Variants in TIAM1 observed in about 807,000 individuals in gnomAD.
TIAM1 encodes TIAM Rac1 associated GEF 1, also known as rho guanine nucleotide exchange factor TIAM1.
In TIAM1, 65 loss-of-function variants were observed where a neutral mutation model predicts 163.5. The observed-to-expected ratio is 0.40, with a 90% CI of 0.33 to 0.49. The LOEUF is 0.49. Ranked by LOEUF, TIAM1 falls within the 20% of genes least tolerant of loss-of-function variation. The pLI, the probability that TIAM1 is intolerant of heterozygous loss-of-function variation, is 0.77. For synonymous variants in TIAM1, 833 were observed against 810.1 expected (o/e 1.03, Z -0.48); for missense variants, 1,789 against 2,044.7 (o/e 0.87, Z 2.41).
At chr21:31,265,343 A>G (rs930266497) in intron 4 of TIAM1, among the ~76,000 whole-genome samples, 3 of 151,586 alleles carry the variant, frequency 2.0e-5, no homozygotes, top group African/African-American at 7.3e-5. Flanking sequence ...CATTTTTCAG[A>G]GGAATGACTA....
chr21:31,529,262 G>A (rs1164456450), intron 1 of TIAM1, among the ~76,000 whole-genome samples: 1 of 151,898 alleles, frequency 6.6e-6, no homozygotes, highest in Non-Finnish European at 1.5e-5. Context: ...GAGTCCAATG[G>A]GGAAAGGTGG....
chr21:31,194,186 C>T (rs1445796128), intron 13 of TIAM1, among the ~76,000 whole-genome samples: 1 of 152,070 alleles, frequency 6.6e-6, no homozygotes, highest in East Asian at 1.9e-4. Flanking sequence ...TGTGTGTCCG[C>T]ATCCTCGATT....
At chr21:31,438,075 A>T (rs1374739548) in intron 2 of TIAM1, among the ~76,000 whole-genome samples, 6 of 151,846 alleles carry the variant, frequency 4.0e-5, no homozygotes, top group Non-Finnish European at 1.5e-5. Context: ...AGCTACCCTC[A>T]TCAACTACTT....
At chr21:31,305,021 C>T (rs993162609) in intron 2 of TIAM1, among the ~76,000 whole-genome samples, 1 of 152,170 alleles carries the variant, frequency 6.6e-6, no homozygotes, top group Non-Finnish European at 1.5e-5. Flanking sequence ...CACGGAACTC[C>T]TGTCTCCAAT....
At chr21:31,307,490 G>A (rs2074759404) in intron 2 of TIAM1, among the ~76,000 whole-genome samples, 1 of 152,154 alleles carries the variant, frequency 6.6e-6, no homozygotes, top group South Asian at 2.1e-4. Context: ...GCTTTCAAAG[G>A]CCATGCTGTC....
At chr21:31,497,399 G>T (rs544063301) in intron 1 of TIAM1, among the ~76,000 whole-genome samples, 1 of 152,208 alleles carries the variant, frequency 6.6e-6, no homozygotes, top group East Asian at 1.9e-4. Context: ...TTAAAAATAT[G>T]CAAAATAAAA....
rs1423236953 is a variant in TIAM1, at chr21:31,187,019, C to T, written c.2644G>A (p.Gly882Ser). The T allele has an allele frequency of 6.2e-6, 10 of 1,613,930 alleles. No individual in the cohort carries two copies. The highest frequency in any genetic ancestry group is 1.6e-4 in the Middle Eastern group (1 of 6,084). ...RLYVNSVKET[G>S]LASKKGLKAG... ...GACTTACCTTTCTTGGAAGCTAAAC[C>T]GGTTTCCTTCACACTATTCACGTAC... is the stretch of plus-strand genomic sequence containing the variant. Residue 882 changes from glycine to serine, a missense_variant, in exon 14 of 28, where the codon GGT (glycine) becomes AGT (serine). By Grantham distance (56) the Gly-to-Ser change is moderately conservative (BLOSUM62 0). Around this residue, in one of 5 missense-constraint regions of TIAM1, gnomAD observed 456 missense variants for 586.6 expected, o/e 0.78. Coordinates refer to ENST00000541036, the MANE Select transcript of TIAM1 (RefSeq NM_001353694.2).
intron 4 of TIAM1, among the ~76,000 whole-genome samples, chr21:31,252,540 C>A (rs1295503245): frequency 2.0e-5 from 3 of 152,234 alleles, no homozygotes; most frequent in Non-Finnish European, 1.5e-5. Flanking sequence ...ATGCTGAGAA[C>A]CCAGCATCCT....
rs530986143 is a variant in TIAM1 at position 31,393,831 on chromosome 21, T to C, written c.-368-54409A>G. Among the ~76,000 whole-genome samples, 6 of 152,320 alleles carry C rather than the reference T, an allele frequency of 3.9e-5. No individual in the cohort carries two copies. In the South Asian group the frequency reaches 6.2e-4, roughly 16 times the overall value. On this transcript the variant is annotated intron_variant, in intron 2 of 28. Coordinates refer to the TIAM1 transcript ENST00000286827. ...TGACTGTTATACTATATAATAACCA[T>C]ATGGCCTGCATTTCCAGGAGAGTTC...
intron 1 of TIAM1, among the ~76,000 whole-genome samples, chr21:31,549,337 T>C (rs1256523203): frequency 3.3e-5 from 5 of 152,188 alleles, no homozygotes; most frequent in Non-Finnish European, 5.9e-5. Context: ...ACTTTCAGCT[T>C]TTAAAAATAA....
chr21:31,411,050 C>G (rs1478484299), intron 2 of TIAM1, among the ~76,000 whole-genome samples: 1 of 152,026 alleles, frequency 6.6e-6, no homozygotes, highest in East Asian at 1.9e-4. Context: ...GACTGTCCTG[C>G]CCACTGGGGA....
At chr21:31,368,941 G>T (rs938946139) in intron 2 of TIAM1, among the ~76,000 whole-genome samples, 4 of 152,170 alleles carry the variant, frequency 2.6e-5, no homozygotes, top group African/African-American at 9.7e-5. Flanking sequence ...GAAAAGAGAA[G>T]AAAGAAAGGG....
At chr21:31,346,565 G>A (rs80267784), upstream of TIAM1, among the ~76,000 whole-genome samples, 723 of 152,296 alleles carry the variant, frequency 4.7e-3, 7 homozygotes, top group African/African-American at 0.016. Flanking sequence ...CAGAGATCGC[G>A]TACTTCGGGG....
In TIAM1 at chr21:31,120,294, C is replaced by T; in HGVS notation, c.*74G>A. 5 of 1,431,738 alleles carry T rather than the reference C, an allele frequency of 3.5e-6. No homozygotes were observed. Among genetic ancestry groups the T allele is most frequent in the South Asian group, 1.4e-5 (1 of 70,474 alleles). 88.7% of individuals were successfully genotyped at this position (1,431,738 alleles called of 1,614,324 possible). A position where few individuals can be genotyped will look rare whatever the true frequency, so the allele number is the denominator to read the frequency against. On this transcript the variant is annotated 3_prime_UTR_variant, in exon 28 of 28. Coordinates refer to ENST00000541036, the MANE Select transcript of TIAM1 (RefSeq NM_001353694.2). This position sits in a 1 kb window ranked among gnomAD's most constrained non-coding sequence, Gnocchi z 4.2. ...GCGCGACCTAAGGGGACATTCTTGT[C>T]GACGGTACAGGAGGGTGGGCAGAGT...
intron 2 of TIAM1, among the ~76,000 whole-genome samples, chr21:31,310,855 T>A (rs2074898164): frequency 6.6e-6 from 1 of 152,096 alleles, no homozygotes; most frequent in Non-Finnish European, 1.5e-5. Flanking sequence ...TTGAGGAAAA[T>A]CATGTAAGGC....
intron 4 of TIAM1, among the ~76,000 whole-genome samples, chr21:31,258,693 T>C (rs2072265344): frequency 6.6e-6 from 1 of 151,962 alleles, no homozygotes; most frequent in East Asian, 1.9e-4. Context: ...AATGCACCTG[T>C]AGTCCCAGCT....
chr21:31,368,302 A>C (rs542546087), intron 2 of TIAM1, among the ~76,000 whole-genome samples: 1 of 152,016 alleles, frequency 6.6e-6, no homozygotes, highest in South Asian at 2.1e-4. Context: ...AAAGGGCTTT[A>C]ATATTCCATA....
At chr21:31,380,033 G>A (rs1453886533) in intron 2 of TIAM1, among the ~76,000 whole-genome samples, 1 of 152,084 alleles carries the variant, frequency 6.6e-6, no homozygotes, top group Non-Finnish European at 1.5e-5. Flanking sequence ...GGAGGCTAAG[G>A]CAGGCGGATC....
At chr21:31,524,330 T>C (rs7510321) in intron 1 of TIAM1, among the ~76,000 whole-genome samples, 117,890 of 151,882 alleles carry the variant, frequency 0.78, 45,869 homozygotes, top group East Asian at 0.98. Flanking sequence ...GAGGGAGGTG[T>C]CACACTTTAC....
Sources: allele counts gnomAD v4.1 joint callset (sites outside exome capture counted in the v4.1 genomes callset), GRCh38; gene constraint gnomAD v4.1.1; regional missense constraint gnomAD v4.1.1; non-coding constraint Gnocchi (gnomAD v3.1); transcripts MANE v1.5; gene names NCBI Gene and HGNC (gene_info 2026-07-23, HGNC 2026-07-21).